The following RDH10 variants were observed in gnomAD, a reference collection of about 807,000 sequenced individuals.
The protein encoded by RDH10 is retinol dehydrogenase 10 (all-trans).
In RDH10, 12 loss-of-function variants were observed where a neutral mutation model predicts 30.2. The observed-to-expected ratio is 0.40, with a 90% CI of 0.25 to 0.64. The LOEUF (loss-of-function observed/expected upper bound fraction) is 0.64. RDH10 is among the 30% of genes least tolerant of loss of function. The pLI is 0.43. For missense variants in RDH10, 268 were observed against 445.2 expected, an observed-to-expected ratio of 0.60 and a Z score of 3.58; for synonymous variants, 189 against 172.2, an observed-to-expected ratio of 1.10 and a Z score of -0.76.
intron 2 of RDH10, among the ~76,000 whole-genome samples, chr8:73,314,689 C>T (rs1814629306): frequency 6.6e-6 from 1 of 152,190 alleles, no homozygotes; most frequent in African/African-American, 2.4e-5. Context: ...ATTAGCGGCC[C>T]TGGATAGCTT....
rs1288216618 is a variant in RDH10 at position 73,294,825 on chromosome 8, C to T, written c.-465C>T. On this transcript the variant is annotated 5_prime_UTR_variant, in exon 1 of 6. Transcript: ENST00000240285. The stretch of plus-strand genomic sequence containing the variant: ...CTCGCAACTTGGGTCGAGTTGACAA[C>T]TCCCGCGGCAGCCCGCTGGCCCGTG... 3 of 383,078 alleles carry T rather than the reference C, an allele frequency of 7.8e-6. No individual in the cohort carries two copies. The highest frequency in any genetic ancestry group is 1.3e-4 in the South Asian group (1 of 7,582). The allele number at this position is 383,078 out of a possible 1,614,324, so 23.7% of individuals were successfully genotyped here.
intron 2 of RDH10, among the ~76,000 whole-genome samples, chr8:73,302,383 A>G (rs1459056113): frequency 6.6e-6 from 1 of 152,150 alleles, no homozygotes; most frequent in Non-Finnish European, 1.5e-5. Context: ...AGATGTAAAA[A>G]CTTGAAAGAT....
chr8:73,300,303 T>G (rs77201607), intron 2 of RDH10: 1 of 152,240 alleles, frequency 6.6e-6, no homozygotes, highest in Non-Finnish European at 1.5e-5. Flanking sequence ...TACAGTGAAT[T>G]TTTTAACAGG....
chr8:73,316,157 C>T (rs1814659522), intron 2 of RDH10, among the ~76,000 whole-genome samples: 1 of 152,084 alleles, frequency 6.6e-6, no homozygotes, highest in African/African-American at 2.4e-5. Context: ...GTTGAGACTA[C>T]AGGCACACAC....
intron 2 of RDH10, among the ~76,000 whole-genome samples, chr8:73,304,526 A>G (rs1040124310): frequency 6.6e-6 from 1 of 152,142 alleles, no homozygotes; most frequent in Non-Finnish European, 1.5e-5. Context: ...CATATTGCTC[A>G]CAGCGTGAAG....
At chr8:73,322,649 T>C in intron 4 of RDH10, 30 bp from the exon 5 acceptor site, 1 of 1,574,988 alleles carries the variant, frequency 6.3e-7, no homozygotes, top group Non-Finnish European at 8.7e-7. Flanking sequence ...TGTTAATTTT[T>C]CATTTTGTTT....
chr8:73,317,793 G>A (rs1049004271), intron 2 of RDH10, among the ~76,000 whole-genome samples: 4 of 151,908 alleles, frequency 2.6e-5, no homozygotes, highest in South Asian at 2.1e-4. Flanking sequence ...GGTGACGTGC[G>A]CCTGTAGTCC....
Position 73,295,222 on chromosome 8 carries a change from C to T in RDH10, c.-68C>T. ...GTGACAAGCGCCCCGGAGCCGGGAGCCCGATTGCCGGGCTCGGGGTGGGCG... is the reference window on the plus strand; with the variant it reads ...GTGACAAGCGCCCCGGAGCCGGGAGTCCGATTGCCGGGCTCGGGGTGGGCG... On this transcript the variant is annotated 5_prime_UTR_variant, in exon 1 of 6. Coordinates refer to ENST00000240285, the MANE Select transcript of RDH10 (RefSeq NM_172037.5). The T allele has an allele frequency of 2.2e-6, 3 of 1,385,830 alleles. No homozygotes were observed. The highest frequency in any genetic ancestry group is 1.9e-6 in the Non-Finnish European group (2 of 1,051,856). 85.8% of individuals were successfully genotyped at this position (1,385,830 alleles called of 1,614,324 possible).
rs1267492328 is a variant in RDH10 at position 73,294,792 on chromosome 8, C to T, written c.-498C>T. On this transcript the variant is annotated 5_prime_UTR_variant, in exon 1 of 6. Transcript: ENST00000240285. Reference sequence around the variant, plus strand: ...GCTCCGCCGCCCCGCACCCCACTCTCCCACCCTCTCGCAACTTGGGTCGAG... The same window carrying T: ...GCTCCGCCGCCCCGCACCCCACTCTTCCACCCTCTCGCAACTTGGGTCGAG... 3 of 368,790 alleles carry T rather than the reference C, an allele frequency of 8.1e-6. No homozygotes were observed. The East Asian group carries it at 1.2e-4, about 14-fold the overall frequency. The allele number at this position is 368,790 out of a possible 1,614,324, so 22.8% of individuals were successfully genotyped here.
chr8:73,301,949 T>C (rs1814386992), intron 2 of RDH10, among the ~76,000 whole-genome samples: 1 of 152,230 alleles, frequency 6.6e-6, no homozygotes, highest in Non-Finnish European at 1.5e-5. Flanking sequence ...GTGAGGCTAG[T>C]GACTTGATAA....
chr8:73,301,575 T>C (rs990762981), intron 2 of RDH10, among the ~76,000 whole-genome samples: 2 of 144,402 alleles, frequency 1.4e-5, no homozygotes, highest in Non-Finnish European at 3.0e-5. Flanking sequence ...CTGGTCAACA[T>C]GGAGAAACCC....
At chr8:73,297,158 T>C (rs1814282366) in intron 1 of RDH10, 36 bp from the exon 2 acceptor site, 1 of 1,251,360 alleles carries the variant, frequency 8.0e-7, no homozygotes. Flanking sequence ...CCTTCTCTTT[T>C]GCATGTTTTC....
At chr8:73,321,155 C>G (rs936198955) in intron 4 of RDH10, 78 bp downstream of exon 4, 3 of 1,245,646 alleles carry the variant, frequency 2.4e-6, no homozygotes. Flanking sequence ...CAAACATAAC[C>G]TTGTATTTTA....
At chr8:73,297,716 C>T (rs1486737673) in intron 2 of RDH10, 2 of 290,596 alleles carry the variant, frequency 6.9e-6, no homozygotes, top group African/African-American at 4.3e-5. Context: ...AGCGTAAAAC[C>T]CTGGGTTTGT....
At chr8:73,313,286 CTA>C (rs1053838851) in intron 2 of RDH10, 1 of 152,202 alleles carries the variant, frequency 6.6e-6, no homozygotes, top group Non-Finnish European at 1.5e-5. Flanking sequence ...CATGTCACGT[CTA>C]TGTGCAGTTA....
At chr8:73,310,575 C>T (rs1814547351) in intron 2 of RDH10, among the ~76,000 whole-genome samples, 1 of 152,240 alleles carries the variant, frequency 6.6e-6, no homozygotes, top group Non-Finnish European at 1.5e-5. Context: ...GAACCGAAGC[C>T]TCTGCCCTTT....
chr8:73,303,303 G>A (rs897940390), intron 2 of RDH10, among the ~76,000 whole-genome samples: 16 of 152,252 alleles, frequency 1.1e-4, no homozygotes, highest in Admixed American at 2.0e-4. Flanking sequence ...TGATTTACTG[G>A]TTTTTAATCT....
At chr8:73,318,304 A>T (rs747312691) in intron 2 of RDH10, among the ~76,000 whole-genome samples, 1 of 151,856 alleles carries the variant, frequency 6.6e-6, no homozygotes, top group Non-Finnish European at 1.5e-5. Flanking sequence ...AATCGGCGCC[A>T]CCTCTGATTT....
chr8:73,305,869 G>C (rs1306936770), intron 2 of RDH10, among the ~76,000 whole-genome samples: 1 of 152,114 alleles, frequency 6.6e-6, no homozygotes. Context: ...AGCTGAATGG[G>C]TTAAGTTCAA....
Sources: allele counts gnomAD v4.1 joint callset (sites outside exome capture counted in the v4.1 genomes callset), GRCh38; gene constraint gnomAD v4.1.1; transcripts MANE v1.5; gene names NCBI Gene and HGNC (gene_info 2026-07-23, HGNC 2026-07-21).